The following ANKMY2 variants were observed in gnomAD, a reference collection of about 807,000 sequenced individuals.
ANKMY2 encodes the protein ankyrin repeat and MYND domain-containing protein 2.
Under a neutral mutation model 50.4 loss-of-function variants are expected in ANKMY2, and 36 were observed. The ratio of observed to expected loss-of-function variants is 0.71; its 90% confidence interval spans 0.55 to 0.94. ANKMY2 has a LOEUF of 0.94. ANKMY2 is among the 40% of genes least tolerant of loss of function. ANKMY2 has a pLI of 0.00. For missense variants in ANKMY2, 565 were observed against 524.0 expected (o/e 1.08, Z -0.76); for synonymous variants, 187 against 178.8 (o/e 1.05, Z -0.36).
intron 5 of ANKMY2, among the ~76,000 whole-genome samples, chr7:16,613,888 T>C (rs1397491470): frequency 1.5e-5 from 2 of 136,412 alleles, no homozygotes; most frequent in African/African-American, 5.7e-5. Flanking sequence ...ACCACTGCAC[T>C]CCAGGCTGGG....
chr7:16,615,638 A>T, intron 5 of ANKMY2, 106 bp downstream of exon 5: 1 of 1,438,168 alleles, frequency 7.0e-7, no homozygotes, highest in Admixed American at 2.2e-5. Flanking sequence ...CAAGCTCTAC[A>T]ACTACAAAAC....
chr7:16,630,359 T>C (rs1222694545), intron 2 of ANKMY2, among the ~76,000 whole-genome samples: 1 of 152,210 alleles, frequency 6.6e-6, no homozygotes, highest in Non-Finnish European at 1.5e-5. Flanking sequence ...GACTCAATGA[T>C]ATGCAAGAGT....
chr7:16,616,523 C>G (rs1217399161), intron 4 of ANKMY2, among the ~76,000 whole-genome samples: 1 of 152,142 alleles, frequency 6.6e-6, no homozygotes, highest in African/African-American at 2.4e-5. Flanking sequence ...TCTATGAAAG[C>G]AAATTCTTCC....
intron 4 of ANKMY2, among the ~76,000 whole-genome samples, chr7:16,621,047 G>C (rs1374861111): frequency 6.6e-6 from 1 of 152,050 alleles, no homozygotes; most frequent in Non-Finnish European, 1.5e-5. Context: ...TTCTTACTTG[G>C]CCCGAAGCAA....
At chr7:16,638,219 A>G (rs531494300) in intron 1 of ANKMY2, among the ~76,000 whole-genome samples, 26 of 152,304 alleles carry the variant, frequency 1.7e-4, no homozygotes, top group African/African-American at 6.0e-4. Context: ...TTGTTTATCT[A>G]AAGTTAGTCA....
intron 4 of ANKMY2, among the ~76,000 whole-genome samples, chr7:16,623,153 A>G (rs2286224): frequency 0.18 from 26,878 of 152,154 alleles, 2,662 homozygotes; most frequent in Middle Eastern, 0.26. Context: ...AATCTTATGT[A>G]TGTATGTACG....
intron 3 of ANKMY2, among the ~76,000 whole-genome samples, chr7:16,626,257 G>A (rs541222202): frequency 6.6e-6 from 1 of 152,216 alleles, no homozygotes; most frequent in African/African-American, 2.4e-5. Context: ...TGGGATTACA[G>A]GTGTGAGCCA....
Position 16,610,760 on chromosome 7 carries a change from C to A in ANKMY2, c.535G>T (p.Val179Leu), listed in dbSNP as rs149818869. 3.1e-6 allele frequency: 5 copies of A among 1,613,202 alleles called. No homozygotes were observed. The highest frequency in any genetic ancestry group is 1.1e-5 in the South Asian group (1 of 91,012). The change falls in exon 6 of 10, where the codon GTG (valine) becomes TTG (leucine). Residue 179 changes from valine (V) to leucine (L), a missense_variant. By Grantham distance (32) the Val-to-Leu change is conservative. Coordinates refer to ENST00000306999, the MANE Select transcript of ANKMY2 (RefSeq NM_020319.3). ...TTTNLHPVKI[V>L]MLVNENPLLT... is the part of the protein sequence containing the mutation. ...AGAGGATTCTCATTTACAAGCATCA[C>A]GATCTAGAGGAAATCCCAGTGTACT...
intron 7 of ANKMY2, among the ~76,000 whole-genome samples, chr7:16,608,929 A>C (rs181634569): frequency 3.3e-5 from 5 of 152,300 alleles, no homozygotes; most frequent in African/African-American, 1.2e-4. Context: ...TGAACCTGGG[A>C]AATGGAGGTT....
chr7:16,629,102 C>T (rs965117361), intron 2 of ANKMY2, among the ~76,000 whole-genome samples: 1 of 152,182 alleles, frequency 6.6e-6, no homozygotes, highest in Non-Finnish European at 1.5e-5. Flanking sequence ...TTACGTGTCT[C>T]CTATTACTCC....
In ANKMY2 at chr7:16,645,513, C is replaced by A. The variant is rs967394340; in HGVS notation, c.61G>T (p.Gly21Trp). 1.2e-5 allele frequency: 20 copies of A among 1,611,124 alleles called. No individual in the cohort carries two copies. Among genetic ancestry groups the A allele is most frequent in the Non-Finnish European group, 1.7e-5 (20 of 1,178,748 alleles). Reference protein sequence around the residue: ...QEEKELLEVIGKGTVQEAGTL... With the variant: ...QEEKELLEVIWKGTVQEAGTL... ...CGCAGCCCAGCACCCGTACCTTTCCCGATGACTTCCAGTAGCTCCTTCTCC... is the reference window on the plus strand; with the variant it reads ...CGCAGCCCAGCACCCGTACCTTTCCAGATGACTTCCAGTAGCTCCTTCTCC... Residue 21 changes from glycine to tryptophan, a missense_variant, in exon 1 of 10, where the codon GGG (glycine) becomes TGG (tryptophan). By Grantham distance (184) the Gly-to-Trp change is radical. Transcript: ENST00000306999.
chr7:16,617,919 T>TTTG (rs1781379905), intron 4 of ANKMY2, among the ~76,000 whole-genome samples: 16 of 38,464 alleles, frequency 4.2e-4, no homozygotes, highest in African/African-American at 1.3e-3. Context: ...GTGAGCGTGT[T>TTTG]TTTTTTTTTT....
At chr7:16,606,178 C>T (rs1781158261) in intron 7 of ANKMY2, among the ~76,000 whole-genome samples, 1 of 151,878 alleles carries the variant, frequency 6.6e-6, no homozygotes, top group African/African-American at 2.4e-5. Flanking sequence ...CGCCTGTAAT[C>T]CCAGTACTGT....
chr7:16,634,659 G>C (rs73310802), intron 2 of ANKMY2, among the ~76,000 whole-genome samples: 4,853 of 152,266 alleles, frequency 0.032, 269 homozygotes, highest in African/African-American at 0.11. Flanking sequence ...ATAGCATCCA[G>C]TGCTCACACA....
chr7:16,639,637 C>T (rs543294674), intron 1 of ANKMY2, among the ~76,000 whole-genome samples: 1 of 152,038 alleles, frequency 6.6e-6, no homozygotes, highest in Non-Finnish European at 1.5e-5. Context: ...AAAAAATTAG[C>T]AAGGTGTGGT....
chr7:16,644,519 C>G, intron 1 of ANKMY2: 1 of 324,372 alleles, frequency 3.1e-6, no homozygotes, highest in South Asian at 2.2e-5. Flanking sequence ...AAACTGGAAA[C>G]TGGGAAGCCT....
At position 16,603,992 on chromosome 7, in the gene ANKMY2, C is replaced by A. The variant is rs77219108; in HGVS notation, c.1011+729G>T. 5.5e-3 allele frequency among the ~76,000 whole-genome samples: 837 copies of A among 152,234 alleles called. 10 individuals are homozygous for A. Among genetic ancestry groups the A allele is most frequent in the African/African-American group, 0.019 (804 of 41,522 alleles). ...CCAATATAAATAGTTTGATTTAATTCTGGAATTTCATTTAATTCAGGAAAC... is the reference window on the plus strand; with the variant it reads ...CCAATATAAATAGTTTGATTTAATTATGGAATTTCATTTAATTCAGGAAAC... On this transcript the variant is annotated intron_variant, in intron 8 of 9. Coordinates refer to ENST00000306999, the MANE Select transcript of ANKMY2 (RefSeq NM_020319.3).
intron 4 of ANKMY2, among the ~76,000 whole-genome samples, chr7:16,624,556 C>G (rs1441139975): frequency 6.6e-6 from 1 of 152,148 alleles, no homozygotes; most frequent in Non-Finnish European, 1.5e-5. Context: ...AGTCTATCAC[C>G]TCTTTTAATC....
chr7:16,636,653 T>A (rs1205089989), intron 1 of ANKMY2, among the ~76,000 whole-genome samples, 198 bp from the exon 2 acceptor site: 1 of 152,144 alleles, frequency 6.6e-6, no homozygotes, highest in Non-Finnish European at 1.5e-5. Flanking sequence ...TTACAGAAAC[T>A]AAAAATAGCT....
Sources: gnomAD v4.1 joint callset for allele counts (sites outside exome capture counted in the v4.1 genomes callset) on GRCh38, gnomAD v4.1.1 for gene constraint, MANE v1.5 for transcripts, NCBI Gene and HGNC (gene_info 2026-07-23, HGNC 2026-07-21) for gene names.